Variants in GRM5 observed in about 807,000 individuals in gnomAD.
The protein encoded by GRM5 is glutamate metabotropic receptor 5.
Under a neutral mutation model 83.1 loss-of-function variants are expected in GRM5, and 19 were observed. The ratio of observed to expected loss-of-function variants is 0.23; its 90% CI spans 0.16 to 0.34. The LOEUF is 0.34. Among genes scored for constraint, GRM5 ranks in the 10% least tolerant of loss-of-function variants. GRM5 has a pLI of 1.00. For synonymous variants in GRM5, 675 were observed against 633.6 expected, an observed-to-expected ratio of 1.07 and a Z score of -0.98; for missense variants, 1,160 against 1,588.3, an observed-to-expected ratio of 0.73 and a Z score of 4.58.
intron 3 of GRM5, among the ~76,000 whole-genome samples, chr11:88,798,717 G>C (rs1393625553): frequency 2.7e-5 from 4 of 147,800 alleles, no homozygotes; most frequent in African/African-American, 9.9e-5. Flanking sequence ...GTGGATAGGA[G>C]CATTTGAGAG....
At chr11:88,843,255 C>G (rs1312494656) in intron 3 of GRM5, among the ~76,000 whole-genome samples, 1 of 152,102 alleles carries the variant, frequency 6.6e-6, no homozygotes, top group Non-Finnish European at 1.5e-5. Flanking sequence ...GATCTGTAAT[C>G]AGCGATCTTT....
intron 3 of GRM5, among the ~76,000 whole-genome samples, chr11:88,732,688 A>G (rs1312540497): frequency 2.6e-5 from 4 of 152,086 alleles, no homozygotes; most frequent in Non-Finnish European, 5.9e-5. Context: ...GAATATATGA[A>G]GAAAGAAGAT....
At chr11:88,894,302 G>A (rs1191811011) in intron 2 of GRM5, among the ~76,000 whole-genome samples, 1 of 151,968 alleles carries the variant, frequency 6.6e-6, no homozygotes, top group Non-Finnish European at 1.5e-5. Flanking sequence ...TGCATTTGCT[G>A]TCAGCCAGTC....
At chr11:88,789,296 T>A (rs1943128153) in intron 3 of GRM5, among the ~76,000 whole-genome samples, 1 of 151,748 alleles carries the variant, frequency 6.6e-6, no homozygotes, top group African/African-American at 2.4e-5. Context: ...AAATTGTGGG[T>A]GATGAGATCA....
intron 3 of GRM5, among the ~76,000 whole-genome samples, chr11:88,671,280 C>G (rs1940186959): frequency 6.6e-6 from 1 of 151,984 alleles, no homozygotes; most frequent in Non-Finnish European, 1.5e-5. Flanking sequence ...CTGCCATAAA[C>G]TTCTCCACAT....
chr11:88,690,231 T>A (rs1333671246), intron 3 of GRM5, among the ~76,000 whole-genome samples: 1 of 151,654 alleles, frequency 6.6e-6, no homozygotes, highest in Non-Finnish European at 1.5e-5. Context: ...ACTTTTTTTA[T>A]TACAGTAATG....
At chr11:88,766,855 G>A (rs1434130321) in intron 3 of GRM5, among the ~76,000 whole-genome samples, 1 of 151,854 alleles carries the variant, frequency 6.6e-6, no homozygotes, top group Non-Finnish European at 1.5e-5. Flanking sequence ...AAATTCACAA[G>A]CAAAAACCAA....
chr11:88,630,586 C>T (rs1938938392), intron 4 of GRM5, among the ~76,000 whole-genome samples: 1 of 106,008 alleles, frequency 9.4e-6, no homozygotes, highest in African/African-American at 3.0e-5. Context: ...CACACACACA[C>T]ACACATATTA....
intron 3 of GRM5, among the ~76,000 whole-genome samples, chr11:88,702,523 T>G (rs917872057): frequency 6.6e-6 from 1 of 152,102 alleles, no homozygotes; most frequent in African/African-American, 2.4e-5. Context: ...TACTTGGCTT[T>G]CTGGGAAGGT....
At chr11:88,907,058 G>A (rs1945415932) in intron 2 of GRM5, among the ~76,000 whole-genome samples, 1 of 152,042 alleles carries the variant, frequency 6.6e-6, no homozygotes, top group Admixed American at 6.6e-5. Context: ...CCTGGAAGCA[G>A]ATACCCAAGT....
intron 3 of GRM5, among the ~76,000 whole-genome samples, chr11:88,794,599 G>A (rs1245281480): frequency 2.0e-5 from 3 of 152,192 alleles, no homozygotes; most frequent in Admixed American, 2.0e-4. Context: ...GGAACATAAA[G>A]TAAGGTGAGT....
chr11:88,971,740 A>AT (rs200024609), intron 2 of GRM5, among the ~76,000 whole-genome samples: 45 of 152,054 alleles, frequency 3.0e-4, no homozygotes, highest in South Asian at 8.3e-4. Flanking sequence ...GCATAAATAG[A>AT]TTTTTTTTAT....
intron 2 of GRM5, among the ~76,000 whole-genome samples, chr11:88,855,988 G>T (rs1422102722): frequency 6.6e-6 from 1 of 151,886 alleles, no homozygotes. Context: ...AAAGAATGTG[G>T]AAAATACTTT....
chr11:88,941,052 AT>A (rs1938072370), intron 2 of GRM5, among the ~76,000 whole-genome samples: 1 of 151,890 alleles, frequency 6.6e-6, no homozygotes, highest in African/African-American at 2.4e-5. Context: ...CCAAACTTAG[AT>A]CTTTGTTTCT....
intron 2 of GRM5, among the ~76,000 whole-genome samples, chr11:89,000,003 C>T (rs1348504292): frequency 2.0e-5 from 3 of 152,106 alleles, no homozygotes; most frequent in Admixed American, 6.6e-5. Flanking sequence ...AAACCAAACA[C>T]TGCATGTTCT....
chr11:88,630,507 C>A (rs1350395276), intron 4 of GRM5, among the ~76,000 whole-genome samples: 1 of 151,096 alleles, frequency 6.6e-6, no homozygotes, highest in Non-Finnish European at 1.5e-5. Flanking sequence ...CCCAATGTTG[C>A]AAAGGGCTTA....
At chr11:88,716,144 G>T (rs1295222452) in intron 3 of GRM5, among the ~76,000 whole-genome samples, 3 of 151,984 alleles carry the variant, frequency 2.0e-5, no homozygotes, top group Admixed American at 1.3e-4. Context: ...GTTCTGTAAG[G>T]TCAAGGGCAG....
chr11:89,059,684 C>G (rs191325641), intron 1 of GRM5, among the ~76,000 whole-genome samples: 67 of 152,088 alleles, frequency 4.4e-4, no homozygotes, highest in African/African-American at 1.6e-3. Context: ...ACATAGGAAA[C>G]GCAGAAAACT....
Position 88,610,183 on chromosome 11 carries a change from T to C in GRM5, c.1148-5219A>G, listed in dbSNP as rs117110253. Among the ~76,000 whole-genome samples the C allele has an allele frequency of 9.6e-3, 1,457 of 152,330 alleles. 15 individuals are homozygous for C. The highest frequency in any genetic ancestry group is 0.065 in the East Asian group (337 of 5,192). ...GGGTAGTGTGATGCCTCTGGCTTTGTTCTTTTTGCTTGATTTGAGATCTTT... is the reference window on the plus strand; with the variant it reads ...GGGTAGTGTGATGCCTCTGGCTTTGCTCTTTTTGCTTGATTTGAGATCTTT... On this transcript the variant is annotated intron_variant, in intron 4 of 9. Transcript: ENST00000305447.
Sources: gnomAD v4.1 joint callset for allele counts (sites outside exome capture counted in the v4.1 genomes callset) on GRCh38, gnomAD v4.1.1 for gene constraint, MANE v1.5 for transcripts, NCBI Gene and HGNC (gene_info 2026-07-23, HGNC 2026-07-21) for gene names.